Variants in KIF1B observed in about 807,000 individuals in gnomAD.
KIF1B encodes the protein kinesin family member 1B, also known as kinesin-like protein KIF1B.
Under a neutral mutation model 241.9 loss-of-function variants are expected in KIF1B, and 76 were observed. The ratio of observed to expected loss-of-function variants is 0.31; its 90% confidence interval spans 0.26 to 0.38. The LOEUF (loss-of-function observed/expected upper bound fraction) is 0.38. KIF1B is among the 10% of genes least tolerant of loss of function. KIF1B has a pLI of 1.00. For missense variants in KIF1B, 1,622 were observed against 2,271.4 expected, an observed-to-expected ratio of 0.71 and a Z score of 5.81; for synonymous variants, 750 against 796.7, an observed-to-expected ratio of 0.94 and a Z score of 0.99.
At chr1:10,286,562 C>T (rs1210430531) in intron 15 of KIF1B, among the ~76,000 whole-genome samples, 3 of 152,222 alleles carry the variant, frequency 2.0e-5, no homozygotes, top group Admixed American at 2.0e-4. Flanking sequence ...TACAGTAAAA[C>T]CTTGGTGATT....
chr1:10,248,511 T>C (rs750490288), intron 2 of KIF1B, among the ~76,000 whole-genome samples: 1 of 152,124 alleles, frequency 6.6e-6, no homozygotes, highest in Non-Finnish European at 1.5e-5. Flanking sequence ...GACATAATCT[T>C]TTGATGTATG....
intron 19 of KIF1B, among the ~76,000 whole-genome samples, chr1:10,296,221 A>G (rs1343536167): frequency 2.0e-5 from 3 of 152,188 alleles, no homozygotes; most frequent in Non-Finnish European, 4.4e-5. Flanking sequence ...CCCTTATCAA[A>G]ATATTAGCTT....
At chr1:10,238,381 CAAA>C (rs755794359) in intron 2 of KIF1B, among the ~76,000 whole-genome samples, 31 of 87,126 alleles carry the variant, frequency 3.6e-4, no homozygotes, top group Non-Finnish European at 3.2e-4. Flanking sequence ...AACTTTGTCT[CAAA>C]AAAAAAAAAA....
intron 22 of KIF1B, among the ~76,000 whole-genome samples, chr1:10,315,284 T>G (rs1651256563): frequency 6.7e-6 from 1 of 149,742 alleles, no homozygotes; most frequent in Non-Finnish European, 1.5e-5. Flanking sequence ...TTGAAGTGAT[T>G]CTCCCGCCTC....
At chr1:10,233,540 G>C (rs1647009542) in intron 2 of KIF1B, among the ~76,000 whole-genome samples, 1 of 151,840 alleles carries the variant, frequency 6.6e-6, no homozygotes, top group Non-Finnish European at 1.5e-5. Flanking sequence ...AAAGTAGAAG[G>C]CTAAACAGCT....
chr1:10,354,157 T>C (rs1214834743), intron 38 of KIF1B, among the ~76,000 whole-genome samples: 1 of 152,198 alleles, frequency 6.6e-6, no homozygotes, highest in Non-Finnish European at 1.5e-5. Flanking sequence ...CAGCTTATCT[T>C]GTGAGTTAGA....
intron 2 of KIF1B, among the ~76,000 whole-genome samples, chr1:10,238,028 A>G (rs1039532342): frequency 3.3e-5 from 5 of 152,062 alleles, no homozygotes; most frequent in Non-Finnish European, 7.4e-5. Flanking sequence ...GAAAGAAAGA[A>G]AGAAAATTTG....
In KIF1B at chr1:10,336,653, T is replaced by C; in HGVS notation, c.3044-4T>C. On this transcript the variant is annotated splice_region_variant and splice_polypyrimidine_tract_variant and intron_variant, in intron 28 of 48. Transcript: ENST00000676179. Reference sequence around the variant, plus strand: ...ATTCTTGCTAATTTTTTTTTCTGCTTTAGCGGATGAAGAAGCTCCTGATTA... The same window carrying C: ...ATTCTTGCTAATTTTTTTTTCTGCTCTAGCGGATGAAGAAGCTCCTGATTA... 1 of 1,613,582 alleles carries C rather than the reference T, an allele frequency of 6.2e-7. No individual in the cohort carries two copies. The highest frequency in any genetic ancestry group is 8.5e-7 in the Non-Finnish European group (1 of 1,179,476).
rs58204496 is a variant in KIF1B at position 10,315,041 on chromosome 1, G to GA, written c.2116-4993dup. On this transcript the variant is annotated intron_variant, in intron 22 of 48. Coordinates refer to ENST00000676179, the MANE Select transcript of KIF1B (RefSeq NM_001365951.3). ...TTGAGACATTTGAAACAGAGAAGCT[G>GA]AAAAAAAAACTATAATGAACTTTTG... Among the ~76,000 whole-genome samples, 69 of 147,154 alleles carry GA rather than the reference G, an allele frequency of 4.7e-4. 2 individuals are homozygous for GA. The Middle Eastern group carries it at 0.011, about 23-fold the overall frequency.
intron 31 of KIF1B, among the ~76,000 whole-genome samples, chr1:10,338,609 A>G (rs139535498): frequency 2.6e-5 from 4 of 152,372 alleles, no homozygotes; most frequent in Non-Finnish European, 5.9e-5. Flanking sequence ...GTCTGAAGTG[A>G]CAATAATAGT....
At chr1:10,333,008 C>T (rs1213891697) in intron 27 of KIF1B, among the ~76,000 whole-genome samples, 4 of 150,336 alleles carry the variant, frequency 2.7e-5, no homozygotes, top group Non-Finnish European at 5.9e-5. Context: ...GACAGTGTTT[C>T]GCCATGTTGG....
At chr1:10,336,930 C>G in intron 29 of KIF1B, 144 bp from the exon 30 acceptor site, 2 of 1,171,132 alleles carry the variant, frequency 1.7e-6, no homozygotes, top group Non-Finnish European at 2.5e-6. Context: ...ATATTTTATT[C>G]ATTGCCTTTC....
intron 16 of KIF1B, 83 bp downstream of exon 16, chr1:10,291,244 A>G (rs1289923648): frequency 2.9e-6 from 3 of 1,035,460 alleles, no homozygotes; most frequent in Non-Finnish European, 4.3e-6. Context: ...TAAAATATAA[A>G]TTAAAATCAA....
intron 27 of KIF1B, 123 bp from the exon 28 acceptor site, chr1:10,334,395 GAA>G: frequency 2.5e-6 from 2 of 799,688 alleles, no homozygotes; most frequent in Non-Finnish European, 4.5e-6. Flanking sequence ...CTAGGACTGA[GAA>G]GGGGTCTTAA....
intron 24 of KIF1B, among the ~76,000 whole-genome samples, chr1:10,323,587 A>AC (rs1047272234): frequency 2.0e-5 from 3 of 152,132 alleles, no homozygotes; most frequent in African/African-American, 7.2e-5. Context: ...GCATCACTGC[A>AC]CCCAGCCTGG....
At chr1:10,288,822 G>T (rs1649843171) in intron 15 of KIF1B, among the ~76,000 whole-genome samples, 1 of 151,670 alleles carries the variant, frequency 6.6e-6, no homozygotes, top group Non-Finnish European at 1.5e-5. Flanking sequence ...TTTTTCACGT[G>T]TTCCCTTGCC....
intron 35 of KIF1B, 64 bp from the exon 36 acceptor site, chr1:10,347,697 C>T: frequency 7.4e-7 from 1 of 1,357,520 alleles, no homozygotes; most frequent in Non-Finnish European, 1.1e-6. Context: ...ACAAAGACCA[C>T]CAGGGGCTAA....
chr1:10,347,848 C>G, intron 36 of KIF1B, 21 bp downstream of exon 36: 3 of 1,586,918 alleles, frequency 1.9e-6, no homozygotes, highest in Non-Finnish European at 2.6e-6. Context: ...GGGACCAAAA[C>G]AGGCATCGGA....
chr1:10,317,790 C>G (rs533868587), intron 22 of KIF1B, among the ~76,000 whole-genome samples: 1 of 149,270 alleles, frequency 6.7e-6, no homozygotes, highest in South Asian at 2.1e-4. Flanking sequence ...GAGATCGCAT[C>G]ACTGCACTCC....
Sources: allele counts gnomAD v4.1 joint callset (sites outside exome capture counted in the v4.1 genomes callset), GRCh38; gene constraint gnomAD v4.1.1; transcripts MANE v1.5; gene names NCBI Gene and HGNC (gene_info 2026-07-23, HGNC 2026-07-21).